LMNTD1: variants seen among roughly 807,000 people sequenced by gnomAD.
LMNTD1 encodes the protein lamin tail domain-containing protein 1.
LMNTD1 carries 35 observed loss-of-function variants against 50.9 expected under a neutral mutation model. The observed-to-expected ratio is 0.69, with a 90% CI of 0.53 to 0.91. The LOEUF (loss-of-function observed/expected upper bound fraction) is 0.91. Ranked by LOEUF, LMNTD1 falls within the 40% of genes least tolerant of loss-of-function variation. LMNTD1 has a pLI of 0.00. For missense variants in LMNTD1, 470 were observed against 475.5 expected, an observed-to-expected ratio of 0.99 and a Z score of 0.11; for synonymous variants, 153 against 161.9, an observed-to-expected ratio of 0.94 and a Z score of 0.42.
At chr12:25,518,665 G>A in intron 8 of LMNTD1, 130 bp downstream of exon 8, 1 of 778,336 alleles carries the variant, frequency 1.3e-6, no homozygotes, top group African/African-American at 1.7e-5. Flanking sequence ...CTTCCTTTAA[G>A]AGCCATCTAT....
intron 1 of LMNTD1, among the ~76,000 whole-genome samples, chr12:25,640,701 C>A (rs752491613): frequency 6.6e-6 from 1 of 151,636 alleles, no homozygotes; most frequent in Non-Finnish European, 1.5e-5. Context: ...CGCTCTGTCG[C>A]CCAGGCCCTG....
rs770470201 is a variant in LMNTD1, at chr12:25,546,397, T to C, written c.468A>G (p.Glu156=). 1.9e-6 allele frequency: 3 copies of C among 1,588,232 alleles called. No individual in the cohort carries two copies. Among genetic ancestry groups the C allele is most frequent in the South Asian group, 2.3e-5 (2 of 87,024 alleles). ...KTLKYFSMIL[E]EVGQFTSSSL... ...ACCTGGAGGTAAATTGGCCAACTTC[T>C]TCAAGAATCATAGAAAAGTATTTTA... Residue 156 remains glutamate (E), a synonymous_variant, in exon 4 of 10, where the codon GAA becomes GAG. Transcript: ENST00000458174.
At chr12:25,643,226 A>C (rs1407495796) in intron 1 of LMNTD1, among the ~76,000 whole-genome samples, 1 of 152,240 alleles carries the variant, frequency 6.6e-6, no homozygotes, top group Non-Finnish European at 1.5e-5. Flanking sequence ...TGGGATGAGC[A>C]GGGGAAGCCT....
intron 9 of LMNTD1, among the ~76,000 whole-genome samples, chr12:25,480,085 C>T (rs1038419216): frequency 2.6e-5 from 4 of 152,224 alleles, no homozygotes; most frequent in African/African-American, 9.6e-5. Context: ...TTAAAATCCT[C>T]CTCTGCTGAG....
chr12:25,519,043 A>C, intron 7 of LMNTD1, 76 bp from the exon 8 acceptor site: 1 of 1,359,864 alleles, frequency 7.4e-7, no homozygotes, highest in Non-Finnish European at 1.0e-6. Context: ...GCACAATTAA[A>C]GGGGAAGCAT....
intron 1 of LMNTD1, among the ~76,000 whole-genome samples, chr12:25,603,533 C>T (rs868040764): frequency 6.6e-6 from 1 of 151,966 alleles, no homozygotes; most frequent in African/African-American, 2.4e-5. Flanking sequence ...GATTAATACA[C>T]CTTTTTTAAG....
intron 9 of LMNTD1, among the ~76,000 whole-genome samples, chr12:25,495,713 A>G (rs907697705): frequency 2.0e-4 from 30 of 152,276 alleles, no homozygotes; most frequent in African/African-American, 6.3e-4. Context: ...ACCATCAGAG[A>G]TGAGTCTATC....
chr12:25,571,804 G>A (rs1033043368), intron 1 of LMNTD1, among the ~76,000 whole-genome samples: 22 of 152,118 alleles, frequency 1.4e-4, no homozygotes, highest in Admixed American at 2.6e-4. Flanking sequence ...CAAGTAGTTG[G>A]GATTACAGGT....
upstream of LMNTD1, among the ~76,000 whole-genome samples, chr12:25,556,199 C>G (rs1944036552): frequency 6.6e-6 from 1 of 152,064 alleles, no homozygotes; most frequent in African/African-American, 2.4e-5. Context: ...TCTTGAACTC[C>G]CGACCTCAAG....
Position 25,546,511 on chromosome 12 carries a change from G to C in LMNTD1, c.354C>G (p.Pro118=). The C allele has an allele frequency of 6.3e-7, 1 of 1,581,920 alleles. No individual in the cohort carries two copies. Among genetic ancestry groups the C allele is most frequent in the Non-Finnish European group, 8.6e-7 (1 of 1,162,072 alleles). Residue 118 remains proline (P), a synonymous_variant, in exon 4 of 10, where the codon CCC becomes CCG. Transcript: ENST00000458174. ...AATAATCTTCTCCATCCCCAATCAT[G>C]GGTGATTCATCCTGTTTCTTCGGAA... ...FSVPKKQDES[P]MIGDGEDYFL...
intron 1 of LMNTD1, among the ~76,000 whole-genome samples, chr12:25,621,395 GT>G (rs1209422468): frequency 2.6e-5 from 4 of 152,028 alleles, no homozygotes; most frequent in Non-Finnish European, 5.9e-5. Flanking sequence ...CAGCCACGTA[GT>G]TTTTAAAACA....
intron 4 of LMNTD1, among the ~76,000 whole-genome samples, chr12:25,538,648 G>A (rs1249698964): frequency 1.5e-5 from 2 of 136,052 alleles, no homozygotes; most frequent in East Asian, 4.4e-4. Context: ...ATTGAGACTA[G>A]GAAGAAACTA....
At chr12:25,546,589 A>C (rs278990) in intron 3 of LMNTD1, 35 bp from the exon 4 acceptor site, 2 of 1,350,822 alleles carry the variant, frequency 1.5e-6, no homozygotes, top group Non-Finnish European at 2.0e-6. Flanking sequence ...GTAACCAGGA[A>C]AGAAGTAAAT....
chr12:25,596,334 T>C (rs1330236117), intron 1 of LMNTD1, among the ~76,000 whole-genome samples: 1 of 152,104 alleles, frequency 6.6e-6, no homozygotes, highest in African/African-American at 2.4e-5. Context: ...AACAGAATAC[T>C]AGCTAACCAA....
At chr12:25,624,193 T>TGAAC (rs11271856) in intron 1 of LMNTD1, among the ~76,000 whole-genome samples, 33 of 151,690 alleles carry the variant, frequency 2.2e-4, no homozygotes, top group East Asian at 7.8e-4. Context: ...TCAATAGGGA[T>TGAAC]TGTTCTCAAA....
At chr12:25,523,667 T>C (rs937570107) in intron 6 of LMNTD1, among the ~76,000 whole-genome samples, 5 of 152,188 alleles carry the variant, frequency 3.3e-5, no homozygotes, top group African/African-American at 1.2e-4. Flanking sequence ...AATGAATTTA[T>C]TAGAAAAGGA....
At chr12:25,636,653 A>T (rs1480051091) in intron 1 of LMNTD1, among the ~76,000 whole-genome samples, 3 of 152,268 alleles carry the variant, frequency 2.0e-5, no homozygotes, top group Admixed American at 2.0e-4. Context: ...GAGAAAAAGA[A>T]GACATTATAC....
At chr12:25,539,475 C>T (rs1329968444) in intron 4 of LMNTD1, among the ~76,000 whole-genome samples, 1 of 150,254 alleles carries the variant, frequency 6.7e-6, no homozygotes, top group African/African-American at 2.4e-5. Flanking sequence ...TGAATGACTA[C>T]TGGGTACATA....
chr12:25,613,620 G>C (rs891274914), intron 1 of LMNTD1, among the ~76,000 whole-genome samples: 1 of 152,136 alleles, frequency 6.6e-6, no homozygotes, highest in Non-Finnish European at 1.5e-5. Context: ...GCAGTGCTCT[G>C]AATAGTGTCT....
Sources: gnomAD v4.1 joint callset for allele counts (sites outside exome capture counted in the v4.1 genomes callset) on GRCh38, gnomAD v4.1.1 for gene constraint, MANE v1.5 for transcripts, NCBI Gene and HGNC (gene_info 2026-07-23, HGNC 2026-07-21) for gene names.